Variants in CNOT6 observed in about 807,000 individuals in gnomAD.
The protein encoded by CNOT6 is carbon catabolite repression 4 protein.
Under a neutral mutation model 61.2 loss-of-function variants are expected in CNOT6, and 12 were observed. That is an observed-to-expected ratio of 0.20 (90% CI 0.13 to 0.32). The LOEUF is 0.32. Among genes scored for constraint, CNOT6 ranks in the 10% least tolerant of loss-of-function variants. The probability of loss-of-function intolerance (pLI) is 1.00; values close to 1 mark genes in which losing one functional copy is unlikely to be tolerated. For missense variants in CNOT6, 405 were observed against 663.9 expected (o/e 0.61, Z 4.28); for synonymous variants, 225 against 240.6 (o/e 0.94, Z 0.60).
intron 7 of CNOT6, among the ~76,000 whole-genome samples, chr5:180,566,618 A>C (rs1165379313): frequency 1.3e-5 from 2 of 149,892 alleles, no homozygotes; most frequent in Non-Finnish European, 3.0e-5. Flanking sequence ...GGTTTCAGAT[A>C]AATAGTGTTG....
Position 180,569,184 on chromosome 5 carries a change from T to C in CNOT6, c.1102T>C (p.Tyr368His). 3 of 1,614,218 alleles carry C rather than the reference T, an allele frequency of 1.9e-6. No individual in the cohort carries two copies. Among genetic ancestry groups the C allele is most frequent in the Non-Finnish European group, 2.5e-6 (3 of 1,180,032 alleles). Residue 368 changes from tyrosine (Y) to histidine (H), a missense_variant, in exon 10 of 12, where the codon TAC becomes CAC. Around this residue, in one of 5 missense-constraint regions of CNOT6, gnomAD observed 116 missense variants for 184.6 expected, o/e 0.63. Coordinates refer to ENST00000261951, the MANE Select transcript of CNOT6 (RefSeq NM_001370472.1). Reference protein sequence around the residue: ...ANAHMHWDPEYSDVKLVQTMM... With the variant: ...ANAHMHWDPEHSDVKLVQTMM... The stretch of plus-strand genomic sequence containing the variant: ...CGCCCACATGCATTGGGACCCTGAA[T>C]ACTCTGATGTGAAGTTGGTACAAAC...
rs35658678 is a variant in CNOT6, at chr5:180,519,833, C to CT, written c.-2-9427dup. ...ATGTTAAAATTTGGTTATCCATTTGCTTTTTTTTTTTTTTTCCCTGAAAAG... is the reference window on the plus strand; with the variant it reads ...ATGTTAAAATTTGGTTATCCATTTGCTTTTTTTTTTTTTTTTCCCTGAAAAG... On this transcript the variant is annotated intron_variant, in intron 1 of 11. Coordinates refer to ENST00000261951, the MANE Select transcript of CNOT6 (RefSeq NM_001370472.1). 2.6e-3 allele frequency among the ~76,000 whole-genome samples: 358 copies of CT among 135,256 alleles called. 4 individuals carry two copies. Among genetic ancestry groups the CT allele is most frequent in the South Asian group, 0.013 (57 of 4,270 alleles). 88.7% of individuals were successfully genotyped at this position (135,256 alleles called of 152,430 possible). A position where few individuals can be genotyped will look rare whatever the true frequency, so the allele number is the denominator to read the frequency against.
intron 1 of CNOT6, among the ~76,000 whole-genome samples, chr5:180,514,750 A>G (rs1276908394): frequency 1.3e-5 from 2 of 152,196 alleles, no homozygotes; most frequent in East Asian, 3.9e-4. Flanking sequence ...CATTGAAGGT[A>G]CTCAGTAAAT....
intron 3 of CNOT6, 89 bp downstream of exon 3, chr5:180,550,206 G>T (rs1759525479): frequency 1.9e-6 from 2 of 1,027,092 alleles, no homozygotes; most frequent in Non-Finnish European, 2.9e-6. Context: ...TGTAATTCTA[G>T]CGTTTTGGGA....
chr5:180,537,560 G>C (rs1164819675), intron 2 of CNOT6, among the ~76,000 whole-genome samples: 1 of 152,080 alleles, frequency 6.6e-6, no homozygotes, highest in East Asian at 1.9e-4. Flanking sequence ...CTCCCGGTCT[G>C]TGGGTTGTCT....
intron 1 of CNOT6, among the ~76,000 whole-genome samples, chr5:180,511,724 C>T (rs1757404313): frequency 6.6e-6 from 1 of 151,780 alleles, no homozygotes; most frequent in Admixed American, 6.6e-5. Context: ...CATGATTGTG[C>T]TACTACACTC....
intron 1 of CNOT6, among the ~76,000 whole-genome samples, chr5:180,518,999 A>T (rs1757770931): frequency 6.6e-6 from 1 of 152,218 alleles, no homozygotes; most frequent in African/African-American, 2.4e-5. Flanking sequence ...GGCGTGAGCC[A>T]TATTGTCCAG....
At chr5:180,561,757 T>C (rs1760200400) in intron 4 of CNOT6, among the ~76,000 whole-genome samples, 1 of 152,194 alleles carries the variant, frequency 6.6e-6, no homozygotes, top group Non-Finnish European at 1.5e-5. Context: ...TAGTTTTGGC[T>C]CTTCACGCGG....
intron 1 of CNOT6, among the ~76,000 whole-genome samples, chr5:180,515,521 A>G (rs1283375996): frequency 6.6e-6 from 1 of 152,206 alleles, no homozygotes; most frequent in Non-Finnish European, 1.5e-5. Flanking sequence ...AGGGCCATCT[A>G]AAGTTTTAAT....
intron 1 of CNOT6, among the ~76,000 whole-genome samples, chr5:180,523,609 G>A (rs888502872): frequency 6.6e-6 from 1 of 151,950 alleles, no homozygotes; most frequent in Non-Finnish European, 1.5e-5. Context: ...TTTTCTGCTT[G>A]GTCTTTGTGG....
At chr5:180,561,695 C>T (rs62405548) in intron 4 of CNOT6, among the ~76,000 whole-genome samples, 4,375 of 152,280 alleles carry the variant, frequency 0.029, 94 homozygotes, top group Non-Finnish European at 0.041. Flanking sequence ...TTCCACTTGG[C>T]CTTCGCTGAC....
At chr5:180,548,722 C>G (rs778180627) in intron 2 of CNOT6, among the ~76,000 whole-genome samples, 2 of 152,132 alleles carry the variant, frequency 1.3e-5, no homozygotes, top group Non-Finnish European at 2.9e-5. Context: ...TTATCTGATA[C>G]GATGGTTGTC....
At chr5:180,552,792 A>G (rs1357322618) in intron 3 of CNOT6, among the ~76,000 whole-genome samples, 1 of 152,064 alleles carries the variant, frequency 6.6e-6, no homozygotes, top group African/African-American at 2.4e-5. Context: ...TATCTCTGCA[A>G]AACAAATCAT....
rs1387922421 is a variant in CNOT6 at position 180,494,420 on chromosome 5, T to G, written c.-346T>G. 2 of 152,726 alleles carry G rather than the reference T, an allele frequency of 1.3e-5. No individual in the cohort carries two copies. Among genetic ancestry groups the G allele is most frequent in the Non-Finnish European group, 2.9e-5 (2 of 68,348 alleles). 9.5% of individuals were successfully genotyped at this position (152,726 alleles called of 1,614,324 possible). The stretch of plus-strand genomic sequence containing the variant: ...CGCCATGATGCTTGTTTGCTTTCAA[T>G]GAAAACGAGGGGGGCGCGGAGGAGG... On this transcript the variant is annotated 5_prime_UTR_variant, in exon 1 of 12. It removes an upstream start codon present in the reference 5' UTR. Transcript: ENST00000261951.
intron 4 of CNOT6, among the ~76,000 whole-genome samples, chr5:180,556,298 T>C (rs1759885561): frequency 6.6e-6 from 1 of 152,174 alleles, no homozygotes; most frequent in Non-Finnish European, 1.5e-5. Flanking sequence ...GAGGTGTTGG[T>C]CAGAGGGTGC....
chr5:180,508,020 T>C (rs1442993362), intron 1 of CNOT6, among the ~76,000 whole-genome samples: 1 of 152,032 alleles, frequency 6.6e-6, no homozygotes, highest in Non-Finnish European at 1.5e-5. Context: ...ACATGACATT[T>C]GGGTGGGAAC....
chr5:180,519,847 T>C (rs1208325544), intron 1 of CNOT6, among the ~76,000 whole-genome samples: 2 of 151,426 alleles, frequency 1.3e-5, no homozygotes, highest in Admixed American at 1.3e-4. Context: ...TTTTTTTTTT[T>C]TCCCTGAAAA....
Position 180,494,409 on chromosome 5 carries a change from T to G in CNOT6, c.-357T>G, listed in dbSNP as rs1756483255. 6.5e-6 allele frequency: 1 copy of G among 152,764 alleles called. No individual in the cohort carries two copies. The highest frequency in any genetic ancestry group is 1.8e-4 in the South Asian group (1 of 5,646). The allele number at this position is 152,764 out of a possible 1,614,324, so 9.5% of individuals were successfully genotyped here. A position where few individuals can be genotyped will look rare whatever the true frequency, so the allele number is the denominator to read the frequency against. Reference sequence around the variant, plus strand: ...ACGGCGGCCGCCGCCATGATGCTTGTTTGCTTTCAATGAAAACGAGGGGGG... The same window carrying G: ...ACGGCGGCCGCCGCCATGATGCTTGGTTGCTTTCAATGAAAACGAGGGGGG... On this transcript the variant is annotated 5_prime_UTR_variant, in exon 1 of 12. Transcript: ENST00000261951.
At chr5:180,545,556 T>C (rs772743058) in intron 2 of CNOT6, among the ~76,000 whole-genome samples, 2 of 152,256 alleles carry the variant, frequency 1.3e-5, no homozygotes, top group Admixed American at 1.3e-4. Flanking sequence ...TAGTAGTTCA[T>C]TCTTTTTTAT....
Sources: gnomAD v4.1 joint callset for allele counts (sites outside exome capture counted in the v4.1 genomes callset) on GRCh38, gnomAD v4.1.1 for gene constraint, gnomAD v4.1.1 regional missense constraint, MANE v1.5 for transcripts, NCBI Gene and HGNC (gene_info 2026-07-23, HGNC 2026-07-21) for gene names.